The following ACTN1 variants were observed in gnomAD, a reference collection of about 807,000 sequenced individuals.
The protein encoded by ACTN1 is actinin alpha 1.
Under a neutral mutation model 119.6 loss-of-function variants are expected in ACTN1, and 30 were observed. The observed-to-expected ratio is 0.25, with a 90% CI of 0.19 to 0.34. ACTN1 has a LOEUF of 0.34. Ranked by LOEUF, ACTN1 falls within the 10% of genes least tolerant of loss-of-function variation. The probability of loss-of-function intolerance (pLI) is 1.00; values close to 1 mark genes in which losing one functional copy is unlikely to be tolerated. For missense variants in ACTN1, 764 were observed against 1,223.4 expected, an observed-to-expected ratio of 0.62 and a Z score of 5.60; for synonymous variants, 429 against 472.6, an observed-to-expected ratio of 0.91 and a Z score of 1.20.
chr14:68,961,698 A>G (rs959297437), intron 1 of ACTN1, among the ~76,000 whole-genome samples: 7 of 151,948 alleles, frequency 4.6e-5, no homozygotes, highest in African/African-American at 1.7e-4. Context: ...TTCTTGCAAT[A>G]CCCCCGACAT....
chr14:68,879,463 C>T lies in ACTN1; in HGVS notation c.2281-394G>A, dbSNP rs1002854303. On this transcript the variant is annotated intron_variant, in intron 18 of 21. Coordinates refer to ENST00000394419, the MANE Select transcript of ACTN1 (RefSeq NM_001130004.2). The surrounding 1 kb of genome is among the most constrained non-coding windows in gnomAD (Gnocchi z 4.9). ...AGCCCATGCTCCCACGCCTTGGGAC[C>T]GCCCGCAAGCCCCAGGGCACTGGGA... 1.3e-5 allele frequency among the ~76,000 whole-genome samples: 2 copies of T among 152,160 alleles called. No homozygotes were observed. The highest frequency in any genetic ancestry group is 1.9e-4 in the East Asian group (1 of 5,192).
intron 21 of ACTN1, among the ~76,000 whole-genome samples, chr14:68,876,683 GTCCC>G (rs1357939551): frequency 2.0e-5 from 3 of 152,148 alleles, no homozygotes; most frequent in Non-Finnish European, 4.4e-5. Flanking sequence ...TCCTTCCTGG[GTCCC>G]ACAGTCCCTC....
At chr14:68,910,079 T>C (rs1220268800) in intron 4 of ACTN1, 37 bp from the exon 5 acceptor site, 1 of 1,574,196 alleles carries the variant, frequency 6.4e-7, no homozygotes, top group Non-Finnish European at 8.7e-7. Context: ...GTCAGAGGGC[T>C]GACTCGGTGG....
At chr14:68,887,656 A>T (rs181473) in intron 11 of ACTN1, 449,513 of 1,203,406 alleles carry the variant, frequency 0.37, 88,458 homozygotes, top group Admixed American at 0.6. Context: ...GAGGTGGGAT[A>T]CCCTCCTTCT....
chr14:68,895,336 T>C (rs1196879546), intron 8 of ACTN1, among the ~76,000 whole-genome samples: 10 of 151,972 alleles, frequency 6.6e-5, no homozygotes, highest in Admixed American at 5.9e-4. Context: ...GATCGCCATC[T>C]CTCTCGAGAA....
chr14:68,921,151 G>A (rs2034621903), intron 2 of ACTN1, 26 bp from the exon 3 acceptor site: 1 of 1,613,144 alleles, frequency 6.2e-7, no homozygotes, highest in Non-Finnish European at 8.5e-7. Flanking sequence ...GGGAGGAAGA[G>A]GAAGGTGAGA....
At chr14:68,928,757 G>C (rs546477445) in intron 1 of ACTN1, among the ~76,000 whole-genome samples, 1 of 152,308 alleles carries the variant, frequency 6.6e-6, no homozygotes, top group Non-Finnish European at 1.5e-5. Flanking sequence ...CCCGGGACCA[G>C]GTCTCAGAGG....
At position 68,955,766 on chromosome 14, in the gene ACTN1, T is replaced by C. The variant is rs1010314019; in HGVS notation, c.105+23186A>G. ...TCCACTGCTAGCACTGCAGTGTTGCTTTAAAGCAGCCTTGCAGAGAGCCAA... is the reference window on the plus strand; with the variant it reads ...TCCACTGCTAGCACTGCAGTGTTGCCTTAAAGCAGCCTTGCAGAGAGCCAA... On this transcript the variant is annotated intron_variant, in intron 1 of 21. Coordinates refer to ENST00000394419, the MANE Select transcript of ACTN1 (RefSeq NM_001130004.2). Among the ~76,000 whole-genome samples the C allele has an allele frequency of 2.0e-5, 3 of 152,210 alleles. No individual in the cohort carries two copies. In the East Asian group the frequency reaches 5.8e-4, roughly 29 times the overall value.
intron 1 of ACTN1, chr14:68,977,943 G>A (rs1480264849): frequency 2.2e-6 from 1 of 456,050 alleles, no homozygotes; most frequent in African/African-American, 2.0e-5. Flanking sequence ...TGGGGGCACA[G>A]GCTCACCGCG....
rs766033427 is a variant in ACTN1, at chr14:68,912,163, G to A, written c.420C>T (p.Ser140=). 1.1e-5 allele frequency: 17 copies of A among 1,613,936 alleles called. No individual in the cohort carries two copies. Among genetic ancestry groups the A allele is most frequent in the African/African-American group, 1.3e-5 (1 of 74,908 alleles). Residue 140 remains serine (S), a synonymous_variant, in exon 4 of 22, where the codon TCC becomes TCT. Transcript: ENST00000394419. ...IILRFAIQDI[S]VEETSAKEGL... Reference sequence around the variant, plus strand: ...AACAAAGCAGAAACCCACCTTCCACGGAGATGTCCTGGATGGCAAAGCGCA... The same window carrying A: ...AACAAAGCAGAAACCCACCTTCCACAGAGATGTCCTGGATGGCAAAGCGCA...
At chr14:68,905,763 A>G (rs4899268) in intron 6 of ACTN1, among the ~76,000 whole-genome samples, 94,426 of 151,910 alleles carry the variant, frequency 0.62, 30,221 homozygotes, top group East Asian at 0.93. Context: ...AGGCCGAGGC[A>G]GATGGATTGT....
chr14:68,901,463 G>C (rs1297838685), intron 8 of ACTN1, among the ~76,000 whole-genome samples: 2 of 152,100 alleles, frequency 1.3e-5, no homozygotes, highest in African/African-American at 4.8e-5. Flanking sequence ...GGCCAGGCTG[G>C]TCTCGAACTC....
rs766411069 is a variant in ACTN1, at chr14:68,878,887, G to T, written c.2361+102C>A. On this transcript the variant is annotated intron_variant, in intron 19 of 21. Coordinates refer to ENST00000394419, the MANE Select transcript of ACTN1 (RefSeq NM_001130004.2). The surrounding 1 kb of genome is among the most constrained non-coding windows in gnomAD (Gnocchi z 4.4). ...AGGACGAGCCCCATGGCCCACAGGA[G>T]GGGGACAGGAGATCCAGACAGAGAG... 8.7e-6 allele frequency: 14 copies of T among 1,600,362 alleles called. No individual in the cohort carries two copies. In the South Asian group the frequency reaches 9.9e-5, roughly 11 times the overall value.
rs2031248232 is a variant in ACTN1 at position 68,879,184 on chromosome 14, C to T, written c.2281-115G>A. 1 of 21,382 alleles carries T rather than the reference C, an allele frequency of 4.7e-5. No homozygotes were observed. The highest frequency in any genetic ancestry group is 8.8e-5 in the Non-Finnish European group (1 of 11,404). The allele number at this position is 21,382 out of a possible 1,614,324, so 1.3% of individuals were successfully genotyped here. On this transcript the variant is annotated intron_variant, in intron 18 of 21. Transcript: ENST00000394419. This position sits in a 1 kb window ranked among gnomAD's most constrained non-coding sequence, Gnocchi z 4.9. ...GTGGGGAGACACAGGGACAGGCATG[C>T]GGAGGGAGGGTGGGGGGGCGGGGGA...
chr14:68,948,986 C>A (rs535414572), intron 1 of ACTN1, among the ~76,000 whole-genome samples: 1 of 152,176 alleles, frequency 6.6e-6, no homozygotes, highest in Non-Finnish European at 1.5e-5. Flanking sequence ...AGGGCTCTAG[C>A]GAGGAGCTGC....
intron 21 of ACTN1, among the ~76,000 whole-genome samples, chr14:68,875,461 A>G (rs2030790477): frequency 6.6e-6 from 1 of 152,246 alleles, no homozygotes; most frequent in Admixed American, 6.5e-5. Flanking sequence ...GCAGATTAAG[A>G]ACACCATCCA....
chr14:68,923,545 C>T (rs916361615), intron 2 of ACTN1, among the ~76,000 whole-genome samples: 2 of 152,072 alleles, frequency 1.3e-5, no homozygotes, highest in Non-Finnish European at 2.9e-5. Context: ...CACGGTGGCT[C>T]ACACCTGCAA....
Position 68,892,293 on chromosome 14 carries a change from G to C in ACTN1, c.856-10C>G, listed in dbSNP as rs998189271. 6.2e-7 allele frequency: 1 copy of C among 1,606,436 alleles called. No homozygotes were observed. The highest frequency in any genetic ancestry group is 1.7e-5 in the Admixed American group (1 of 59,820). On this transcript the variant is annotated splice_polypyrimidine_tract_variant and intron_variant, in intron 9 of 21. Transcript: ENST00000394419. ...GGATCCACTCCAACAGCTAGGGTGG[G>C]AAGGCGGTGGGGGCAGGAGGTGAGG...
At chr14:68,964,907 G>C (rs184918604) in intron 1 of ACTN1, among the ~76,000 whole-genome samples, 1 of 152,156 alleles carries the variant, frequency 6.6e-6, no homozygotes, top group African/African-American at 2.4e-5. Flanking sequence ...CAGAGTGTAA[G>C]GGCCCGCATG....
Sources: allele counts gnomAD v4.1 joint callset (sites outside exome capture counted in the v4.1 genomes callset), GRCh38; gene constraint gnomAD v4.1.1; non-coding constraint Gnocchi (gnomAD v3.1); transcripts MANE v1.5; gene names NCBI Gene and HGNC (gene_info 2026-07-23, HGNC 2026-07-21).